Variants in JMY observed in about 807,000 individuals in gnomAD.
The protein encoded by JMY is junction-mediating and -regulatory protein.
JMY carries 46 observed loss-of-function variants against 103.3 expected under a neutral mutation model. The ratio of observed to expected loss-of-function variants is 0.45; its 90% CI spans 0.35 to 0.57. JMY has a LOEUF of 0.57. Ranked by LOEUF, JMY falls within the 20% of genes least tolerant of loss-of-function variation. The pLI is 0.00. For synonymous variants in JMY, 526 were observed against 489.3 expected (o/e 1.07, Z -0.99); for missense variants, 1,238 against 1,255.2 (o/e 0.99, Z 0.21).
At chr5:79,246,675 G>A (rs1465841770) in intron 1 of JMY, among the ~76,000 whole-genome samples, 1 of 152,148 alleles carries the variant, frequency 6.6e-6, no homozygotes. Context: ...GAGGTCAAGA[G>A]TTTGAGACTA....
intron 1 of JMY, among the ~76,000 whole-genome samples, chr5:79,257,320 AGGCTGGACATGGT>A (rs1473518313): frequency 1.3e-5 from 2 of 152,124 alleles, no homozygotes; most frequent in African/African-American, 4.8e-5. Flanking sequence ...AAGAAATCAG[AGGCTGGACATGGT>A]GGCTCATGTC....
chr5:79,293,636 G>T (rs73769610), intron 4 of JMY, among the ~76,000 whole-genome samples: 17 of 152,212 alleles, frequency 1.1e-4, no homozygotes, highest in African/African-American at 3.4e-4. Flanking sequence ...CCTGTACTCA[G>T]AGTAATGTAC....
intron 1 of JMY, among the ~76,000 whole-genome samples, chr5:79,264,997 C>G (rs1745541266): frequency 6.6e-6 from 1 of 152,200 alleles, no homozygotes; most frequent in Admixed American, 6.5e-5. Flanking sequence ...TCTTGGCTTA[C>G]TATAAGCCCT....
intron 1 of JMY, among the ~76,000 whole-genome samples, chr5:79,246,726 C>G (rs939808434): frequency 6.6e-6 from 1 of 152,006 alleles, no homozygotes; most frequent in South Asian, 2.1e-4. Context: ...ACTAAAAATG[C>G]GAAAATTAGC....
intron 2 of JMY, among the ~76,000 whole-genome samples, chr5:79,285,506 A>G (rs935255865): frequency 6.6e-6 from 1 of 151,822 alleles, no homozygotes. Flanking sequence ...ATACATTAAG[A>G]TACTCATATC....
chr5:79,242,471 A>G (rs1744770288), intron 1 of JMY, among the ~76,000 whole-genome samples: 1 of 152,124 alleles, frequency 6.6e-6, no homozygotes, highest in South Asian at 2.1e-4. Context: ...TTTTGTGGGG[A>G]CTGTAACTAA....
intron 1 of JMY, among the ~76,000 whole-genome samples, chr5:79,274,446 C>T (rs1157403527): frequency 1.3e-5 from 2 of 151,618 alleles, no homozygotes; most frequent in Non-Finnish European, 2.9e-5. Context: ...GTTGCTCTGT[C>T]ACCCAGGCTG....
chr5:79,319,746 A>G (rs1045354155), intron 10 of JMY, among the ~76,000 whole-genome samples: 1 of 151,842 alleles, frequency 6.6e-6, no homozygotes, highest in African/African-American at 2.4e-5. Flanking sequence ...ACTCCCAGCT[A>G]ATTTTTGTAT....
At chr5:79,270,387 A>G (rs1580344097) in intron 1 of JMY, among the ~76,000 whole-genome samples, 2 of 115,086 alleles carry the variant, frequency 1.7e-5, no homozygotes, top group East Asian at 2.2e-4. Flanking sequence ...AAATATTTAC[A>G]TAAAATATAT....
chr5:79,278,044 C>T lies in JMY; in HGVS notation c.1167C>T (p.Asp389=). The T allele has an allele frequency of 6.2e-7, 1 of 1,613,632 alleles. No individual in the cohort carries two copies. The highest frequency in any genetic ancestry group is 8.5e-7 in the Non-Finnish European group (1 of 1,179,794). ...AGTATTTACTACAGCCATTCCGAGA[C>T]ATGAGAGAACTTGCCATGCTACGAA... ...LYQYLLQPFR[D]MRELAMLRRQ... is the part of the protein sequence containing the mutation. The change falls in exon 2 of 11, where the codon GAC becomes GAT. Residue 389 remains aspartate, a synonymous_variant. Coordinates refer to ENST00000396137, the MANE Select transcript of JMY (RefSeq NM_152405.5).
At chr5:79,260,432 C>T (rs1217357000) in intron 1 of JMY, among the ~76,000 whole-genome samples, 2 of 152,236 alleles carry the variant, frequency 1.3e-5, no homozygotes, top group African/African-American at 4.8e-5. Context: ...CCGCCACTGC[C>T]ATGAGTGGCT....
chr5:79,294,165 A>C (rs981429559), intron 4 of JMY, among the ~76,000 whole-genome samples: 1 of 152,222 alleles, frequency 6.6e-6, no homozygotes, highest in Non-Finnish European at 1.5e-5. Context: ...GCACTTTGGG[A>C]GGCTGAGGCG....
chr5:79,281,081 G>A (rs1304022419), intron 2 of JMY, among the ~76,000 whole-genome samples: 1 of 151,680 alleles, frequency 6.6e-6, no homozygotes. Context: ...GTCTCGCTCT[G>A]TTGCCCAGGC....
Position 79,323,731 on chromosome 5 carries a change from T to TA in JMY, c.*2130dup, listed in dbSNP as rs1207915551. The TA allele has an allele frequency of 6.6e-6, 1 of 152,340 alleles. No individual in the cohort carries two copies. Among genetic ancestry groups the TA allele is most frequent in the East Asian group, 1.9e-4 (1 of 5,190 alleles). The allele number at this position is 152,340 out of a possible 1,614,324, so 9.4% of individuals were successfully genotyped here. A position where few individuals can be genotyped will look rare whatever the true frequency, so the allele number is the denominator to read the frequency against. On this transcript the variant is annotated 3_prime_UTR_variant, in exon 11 of 11. Transcript: ENST00000396137. ...CTTGAGAGGGAATTTGCTACTCTTT[T>TA]ACTTTTGGGATTTCATTATAAAATA... is the stretch of plus-strand genomic sequence containing the variant.
At chr5:79,266,231 T>G (rs1745584762) in intron 1 of JMY, among the ~76,000 whole-genome samples, 1 of 152,206 alleles carries the variant, frequency 6.6e-6, no homozygotes, top group Non-Finnish European at 1.5e-5. Context: ...CTCTACAGAT[T>G]AAGTAAGCTC....
At chr5:79,286,124 A>C (rs1171273084) in intron 2 of JMY, among the ~76,000 whole-genome samples, 1 of 152,184 alleles carries the variant, frequency 6.6e-6, no homozygotes, top group Non-Finnish European at 1.5e-5. Context: ...TGTCTTAGGT[A>C]CAATAAACTA....
At chr5:79,281,868 A>G (rs1746127081) in intron 2 of JMY, among the ~76,000 whole-genome samples, 1 of 152,338 alleles carries the variant, frequency 6.6e-6, no homozygotes, top group South Asian at 2.1e-4. Context: ...TATGCTGAGG[A>G]AAAGACATCT....
chr5:79,255,638 T>C (rs1413471324), intron 1 of JMY, among the ~76,000 whole-genome samples: 7 of 152,246 alleles, frequency 4.6e-5, no homozygotes, highest in African/African-American at 9.6e-5. Context: ...GTATCTGTTT[T>C]AGGGGACACC....
intron 2 of JMY, among the ~76,000 whole-genome samples, chr5:79,278,645 A>G (rs1393511617): frequency 6.8e-6 from 1 of 147,560 alleles, no homozygotes; most frequent in African/African-American, 2.5e-5. Flanking sequence ...GCACATGCCT[A>G]TAGTCTCAGC....
Sources: allele counts gnomAD v4.1 joint callset (sites outside exome capture counted in the v4.1 genomes callset), GRCh38; gene constraint gnomAD v4.1.1; transcripts MANE v1.5; gene names NCBI Gene and HGNC (gene_info 2026-07-23, HGNC 2026-07-21).